Variants in NAV3 observed in about 807,000 individuals in gnomAD.
The protein encoded by NAV3 is neuron navigator 3.
A neutral mutation model predicts 244.7 loss-of-function variants in NAV3; 87 were observed. The observed-to-expected ratio is 0.36, with a 90% CI of 0.30 to 0.42. The LOEUF (loss-of-function observed/expected upper bound fraction) is 0.42. Ranked by LOEUF, NAV3 falls within the 20% of genes least tolerant of loss-of-function variation. NAV3 has a pLI of 1.00. For missense variants in NAV3, 2,663 were observed against 2,893.3 expected, an observed-to-expected ratio of 0.92 and a Z score of 1.83; for synonymous variants, 1,126 against 1,042.2, an observed-to-expected ratio of 1.08 and a Z score of -1.55.
intron 2 of NAV3, among the ~76,000 whole-genome samples, chr12:77,803,742 C>G (rs952792900): frequency 2.0e-5 from 3 of 152,206 alleles, no homozygotes; most frequent in East Asian, 1.9e-4. Context: ...ACACTCCCAC[C>G]AACAGTGTAA....
intron 9 of NAV3, among the ~76,000 whole-genome samples, chr12:78,048,217 A>T (rs1882158736): frequency 6.6e-6 from 1 of 152,148 alleles, no homozygotes. Flanking sequence ...ACTTCTGTAA[A>T]TTCGTCAAAC....
intron 1 of NAV3, among the ~76,000 whole-genome samples, chr12:77,904,510 G>A (rs1432518253): frequency 6.6e-6 from 1 of 152,140 alleles, no homozygotes; most frequent in African/African-American, 2.4e-5. Context: ...TGGTGGAGGG[G>A]GAGAGATAAC....
At chr12:78,020,890 C>T (rs1442527064) in intron 8 of NAV3, among the ~76,000 whole-genome samples, 1 of 152,050 alleles carries the variant, frequency 6.6e-6, no homozygotes, top group Admixed American at 6.6e-5. Context: ...CTCTAAAGAA[C>T]ACAGTCCAGT....
At chr12:77,582,189 C>T (rs1324639063) in intron 2 of NAV3, among the ~76,000 whole-genome samples, 1 of 152,188 alleles carries the variant, frequency 6.6e-6, no homozygotes, top group Non-Finnish European at 1.5e-5. Flanking sequence ...AATTACATAT[C>T]AAATTATTCC....
intron 2 of NAV3, among the ~76,000 whole-genome samples, chr12:77,675,530 G>T (rs1396601655): frequency 6.6e-6 from 1 of 152,156 alleles, no homozygotes; most frequent in African/African-American, 2.4e-5. Flanking sequence ...GCAACACCTA[G>T]ATTAGATTCC....
At chr12:78,042,881 T>A (rs1367874349) in intron 9 of NAV3, among the ~76,000 whole-genome samples, 1 of 152,142 alleles carries the variant, frequency 6.6e-6, no homozygotes, top group Non-Finnish European at 1.5e-5. Context: ...TTACCTCAAG[T>A]ATTCTGAGTA....
At chr12:78,065,872 G>A (rs144855535) in intron 12 of NAV3, among the ~76,000 whole-genome samples, 9 of 152,234 alleles carry the variant, frequency 5.9e-5, no homozygotes, top group South Asian at 2.1e-4. Flanking sequence ...GGTACAGAGA[G>A]TGAATTCCTA....
chr12:78,172,012 T>C (rs1184690240), intron 24 of NAV3, among the ~76,000 whole-genome samples: 2 of 151,604 alleles, frequency 1.3e-5, no homozygotes, highest in African/African-American at 4.8e-5. Context: ...TGCTATTAAG[T>C]ATAGGCATTA....
At chr12:77,690,842 A>C (rs1422645920) in intron 2 of NAV3, among the ~76,000 whole-genome samples, 1 of 150,420 alleles carries the variant, frequency 6.6e-6, no homozygotes, top group Non-Finnish European at 1.5e-5. Flanking sequence ...CTCTCTTCCT[A>C]ATATAAAAAG....
chr12:77,703,075 T>C (rs1017174950), intron 2 of NAV3, among the ~76,000 whole-genome samples: 3 of 152,074 alleles, frequency 2.0e-5, no homozygotes, highest in Non-Finnish European at 4.4e-5. Context: ...AAGTCACTTA[T>C]TTTATCATGT....
chr12:77,880,885 A>T (rs1882550642), intron 1 of NAV3, among the ~76,000 whole-genome samples: 1 of 152,184 alleles, frequency 6.6e-6, no homozygotes, highest in African/African-American at 2.4e-5. Context: ...TGATGAAATC[A>T]CCTAAGAAGG....
chr12:77,774,505 G>A (rs914529321), intron 2 of NAV3, among the ~76,000 whole-genome samples: 2 of 152,116 alleles, frequency 1.3e-5, no homozygotes, highest in African/African-American at 4.8e-5. Flanking sequence ...TATACATGGA[G>A]GATTCCTTGA....
intron 2 of NAV3, among the ~76,000 whole-genome samples, chr12:77,728,147 G>A (rs1876963361): frequency 1.3e-5 from 2 of 151,950 alleles, no homozygotes; most frequent in African/African-American, 4.8e-5. Context: ...GAGATCCAGT[G>A]AGCCTCCTGG....
rs1237536671 is a variant in NAV3 at position 78,211,164 on chromosome 12, A to T, written c.*647A>T. On this transcript the variant is annotated 3_prime_UTR_variant, in exon 40 of 40. Coordinates refer to ENST00000397909, the MANE Select transcript of NAV3 (RefSeq NM_001024383.2). ...CCACCAACTTTTTAGTATATGAGTC[A>T]CTGGTTTTATAAGGTTGTTTTTACC... The T allele has an allele frequency of 1.3e-5, 2 of 152,666 alleles. No individual in the cohort carries two copies. Among genetic ancestry groups the T allele is most frequent in the African/African-American group, 4.8e-5 (2 of 41,464 alleles). 9.5% of individuals were successfully genotyped at this position (152,666 alleles called of 1,614,324 possible).
At chr12:77,885,565 T>A (rs1883185874) in intron 1 of NAV3, among the ~76,000 whole-genome samples, 1 of 152,128 alleles carries the variant, frequency 6.6e-6, no homozygotes, top group African/African-American at 2.4e-5. Context: ...CCTAAAGGAG[T>A]ATTTTTGTGA....
At chr12:78,082,765 C>G (rs1326910953) in intron 12 of NAV3, among the ~76,000 whole-genome samples, 1 of 152,192 alleles carries the variant, frequency 6.6e-6, no homozygotes, top group Admixed American at 6.5e-5. Context: ...AACCCTTTTA[C>G]TATGCTGCTT....
intron 38 of NAV3, 125 bp from the exon 39 acceptor site, chr12:78,204,810 C>T: frequency 1.3e-6 from 1 of 762,748 alleles, no homozygotes; most frequent in Non-Finnish European, 2.1e-6. Flanking sequence ...TATACAGATA[C>T]TTAATTCTCT....
chr12:78,170,740 G>C (rs369672483), intron 24 of NAV3, among the ~76,000 whole-genome samples: 1 of 151,632 alleles, frequency 6.6e-6, no homozygotes, highest in African/African-American at 2.4e-5. Flanking sequence ...AGTTCTTTAT[G>C]AATTGTGTTC....
At chr12:77,735,610 A>G (rs1161859114) in intron 2 of NAV3, among the ~76,000 whole-genome samples, 1 of 152,042 alleles carries the variant, frequency 6.6e-6, no homozygotes, top group African/African-American at 2.4e-5. Context: ...TATTCCTTCA[A>G]TTTTCTGCAT....
Sources: allele counts gnomAD v4.1 joint callset (sites outside exome capture counted in the v4.1 genomes callset), GRCh38; gene constraint gnomAD v4.1.1; transcripts MANE v1.5; gene names NCBI Gene and HGNC (gene_info 2026-07-23, HGNC 2026-07-21).